Variants in PCDHGA4 observed in about 807,000 individuals in gnomAD.
PCDHGA4 encodes the protein protocadherin gamma-A4.
A neutral mutation model predicts 54.6 loss-of-function variants in PCDHGA4; 38 were observed. That is an observed-to-expected ratio of 0.70 (90% CI 0.54 to 0.91). The LOEUF (loss-of-function observed/expected upper bound fraction) is 0.91, where lower values mean the gene tolerates loss of function less well. Ranked by LOEUF, PCDHGA4 falls within the 40% of genes least tolerant of loss-of-function variation. PCDHGA4 has a pLI of 0.00. For synonymous variants in PCDHGA4, 511 were observed against 512.9 expected, an observed-to-expected ratio of 1.00 and a Z score of 0.05; for missense variants, 1,298 against 1,220.9, an observed-to-expected ratio of 1.06 and a Z score of -0.94.
chr5:141,399,097 G>GT (rs1217179640), intron 1 of PCDHGA4: 2 of 1,613,816 alleles, frequency 1.2e-6, no homozygotes, highest in Admixed American at 3.3e-5. Flanking sequence ...TGGTGGACTG[G>GT]TTGCACAATG....
At chr5:141,397,725 C>T (rs1292048088) in intron 1 of PCDHGA4, among the ~76,000 whole-genome samples, 1 of 152,180 alleles carries the variant, frequency 6.6e-6, no homozygotes, top group Non-Finnish European at 1.5e-5. Flanking sequence ...ATTTGGAAAA[C>T]AGAGAAAGAT....
Position 141,491,984 on chromosome 5 carries a change from C to G in PCDHGA4, c.2515-2823C>G. 1.4e-6 allele frequency: 1 copy of G among 734,256 alleles called. No homozygotes were observed. The highest frequency in any genetic ancestry group is 3.2e-5 in the East Asian group (1 of 31,678). The allele number at this position is 734,256 out of a possible 1,614,324, so 45.5% of individuals were successfully genotyped here. ...AAGGCCGGGGCCTCCTTCGAGCTTC[C>G]GGTGAATTTCGGGCGATTTCCGCGG... On this transcript the variant is annotated intron_variant, in intron 1 of 3. Coordinates refer to ENST00000571252, the MANE Select transcript of PCDHGA4 (RefSeq NM_018917.4). The surrounding 1 kb of genome is among the most constrained non-coding windows in gnomAD (Gnocchi z 6.9).
chr5:141,467,129 T>G (rs2099137740), intron 1 of PCDHGA4, among the ~76,000 whole-genome samples: 1 of 151,826 alleles, frequency 6.6e-6, no homozygotes, highest in Non-Finnish European at 1.5e-5. Context: ...CTCAGCTCAC[T>G]GCAACCTCTG....
chr5:141,381,044 T>G (rs745590770), intron 1 of PCDHGA4, among the ~76,000 whole-genome samples: 1 of 152,278 alleles, frequency 6.6e-6, no homozygotes, highest in Admixed American at 6.5e-5. Flanking sequence ...AAAATTTATC[T>G]ACTTTGTGAA....
intron 1 of PCDHGA4, among the ~76,000 whole-genome samples, chr5:141,474,085 AAAAC>A (rs937548165): frequency 1.3e-5 from 2 of 152,188 alleles, no homozygotes; most frequent in African/African-American, 4.8e-5. Flanking sequence ...CAAAAACCAA[AAAAC>A]AAACAACAAC....
rs561908431 is a variant in PCDHGA4, at chr5:141,510,639, TATC to T, written c.2663-304_2663-302del. Among the ~76,000 whole-genome samples the T allele has an allele frequency of 8.5e-3, 1,289 of 152,298 alleles. 6 individuals carry two copies. Among genetic ancestry groups the T allele is most frequent in the Middle Eastern group, 0.058 (17 of 294 alleles). On this transcript the variant is annotated intron_variant, in intron 3 of 3. Transcript: ENST00000571252. ...TAAAACCAGAAGAGGTGGTTACCAT[TATC>T]ATCCCCATTTTGCAGATGAGAAAAC...
chr5:141,431,411 G>A lies in PCDHGA4; in HGVS notation c.2515-63396G>A. On this transcript the variant is annotated intron_variant, in intron 1 of 3. Coordinates refer to ENST00000571252, the MANE Select transcript of PCDHGA4 (RefSeq NM_018917.4). This position sits in a 1 kb window ranked among gnomAD's most constrained non-coding sequence, Gnocchi z 4.8. ...CCTGGTCCTTACGGCCTCCGACGGG[G>A]GCGACCCGGTGCGCACAGGCACCGC... 3 of 1,613,728 alleles carry A rather than the reference G, an allele frequency of 1.9e-6. No individual in the cohort carries two copies. The highest frequency in any genetic ancestry group is 2.5e-6 in the Non-Finnish European group (3 of 1,180,038).
chr5:141,498,104 C>T (rs530844708), intron 2 of PCDHGA4, among the ~76,000 whole-genome samples: 2 of 152,106 alleles, frequency 1.3e-5, no homozygotes, highest in African/African-American at 4.8e-5. Context: ...GTGGTGTGGG[C>T]GTATAATAGG....
At chr5:141,505,352 C>CG in intron 2 of PCDHGA4, 41 bp from the exon 3 acceptor site, 1 of 1,613,302 alleles carries the variant, frequency 6.2e-7, no homozygotes, top group East Asian at 2.2e-5. Context: ...TGAGCTGTGC[C>CG]GGCCTGGGAG....
chr5:141,388,426 T>C, intron 1 of PCDHGA4: 1 of 1,613,864 alleles, frequency 6.2e-7, no homozygotes, highest in Non-Finnish European at 8.5e-7. Context: ...TTCTCACTGA[T>C]AAATAAAGAG....
chr5:141,511,328 A>G lies in PCDHGA4; in HGVS notation c.*155A>G. On this transcript the variant is annotated 3_prime_UTR_variant, in exon 4 of 4. Transcript: ENST00000571252. Reference sequence around the variant, plus strand: ...CCTTGGGAAACAGAAACAAGTGCCCAGTCAGCACCTACCCCTTCCCCCCCA... The same window carrying G: ...CCTTGGGAAACAGAAACAAGTGCCCGGTCAGCACCTACCCCTTCCCCCCCA... The G allele has an allele frequency of 6.9e-7, 1 of 1,456,862 alleles. No individual in the cohort carries two copies. Among genetic ancestry groups the G allele is most frequent in the Non-Finnish European group, 9.1e-7 (1 of 1,093,622 alleles). 90.2% of individuals were successfully genotyped at this position (1,456,862 alleles called of 1,614,324 possible).
Position 141,431,706 on chromosome 5 carries a change from AG to A in PCDHGA4, c.2515-63100del. The A allele has an allele frequency of 6.2e-7, 1 of 1,614,248 alleles. No homozygotes were observed. The highest frequency in any genetic ancestry group is 8.5e-7 in the Non-Finnish European group (1 of 1,180,048). ...GACCACGAGGAGTCAGGATTCTACC[AG>A]ATGGAAGTGCAAGCAATGGATAATG... On this transcript the variant is annotated intron_variant, in intron 1 of 3. Coordinates refer to ENST00000571252, the MANE Select transcript of PCDHGA4 (RefSeq NM_018917.4). This position sits in a 1 kb window ranked among gnomAD's most constrained non-coding sequence, Gnocchi z 4.8.
intron 1 of PCDHGA4, chr5:141,395,540 GTT>G (rs1195680754): frequency 2.1e-5 from 4 of 186,176 alleles, no homozygotes; most frequent in South Asian, 7.0e-5. Flanking sequence ...TTTTGCTATT[GTT>G]TGTGTGTGTG....
chr5:141,428,194 T>C (rs2097123409), intron 1 of PCDHGA4: 1 of 1,414,108 alleles, frequency 7.1e-7, no homozygotes, highest in Admixed American at 1.8e-5. Flanking sequence ...CGCCGCTCTC[T>C]GCGCCGCTAC....
intron 1 of PCDHGA4, chr5:141,372,748 C>A: frequency 1.1e-5 from 17 of 1,613,132 alleles, no homozygotes; most frequent in Non-Finnish European, 1.4e-5. Flanking sequence ...TGTGATGAAG[C>A]CTCTTGGTTT....
At chr5:141,410,513 G>C in intron 1 of PCDHGA4, 1 of 1,613,954 alleles carries the variant, frequency 6.2e-7, no homozygotes, top group Non-Finnish European at 8.5e-7. Context: ...AAAATGCAGT[G>C]TGCCCCTACA....
intron 1 of PCDHGA4, among the ~76,000 whole-genome samples, chr5:141,425,696 A>G (rs1033976807): frequency 1.3e-4 from 20 of 152,242 alleles, no homozygotes; most frequent in African/African-American, 4.3e-4. Context: ...ATCATTTCAT[A>G]GTGGTCAAAA....
chr5:141,431,408 G>T lies in PCDHGA4; in HGVS notation c.2515-63399G>T, dbSNP rs1270461546. On this transcript the variant is annotated intron_variant, in intron 1 of 3. Coordinates refer to ENST00000571252, the MANE Select transcript of PCDHGA4 (RefSeq NM_018917.4). The surrounding 1 kb of genome is among the most constrained non-coding windows in gnomAD (Gnocchi z 4.8). ...CCACCTGGTCCTTACGGCCTCCGAC[G>T]GGGGCGACCCGGTGCGCACAGGCAC... 4 of 1,613,600 alleles carry T rather than the reference G, an allele frequency of 2.5e-6. No individual in the cohort carries two copies. Among genetic ancestry groups the T allele is most frequent in the Non-Finnish European group, 3.4e-6 (4 of 1,180,038 alleles).
At chr5:141,385,260 A>G (rs1337413063) in intron 1 of PCDHGA4, 1 of 1,613,648 alleles carries the variant, frequency 6.2e-7, no homozygotes, top group African/African-American at 1.3e-5. Flanking sequence ...GCTGTGAGAA[A>G]AATGATTCTT....
Sources: gnomAD v4.1 joint callset for allele counts (sites outside exome capture counted in the v4.1 genomes callset) on GRCh38, gnomAD v4.1.1 for gene constraint, Gnocchi (gnomAD v3.1) non-coding constraint, MANE v1.5 for transcripts, NCBI Gene and HGNC (gene_info 2026-07-23, HGNC 2026-07-21) for gene names.